The following PTPRA variants were observed in gnomAD, a reference collection of about 807,000 sequenced individuals.
The protein encoded by PTPRA is protein tyrosine phosphatase receptor type A.
In PTPRA, 25 loss-of-function variants were observed where a neutral mutation model predicts 104.8. That is an observed-to-expected ratio of 0.24 (90% CI 0.17 to 0.33). The LOEUF (loss-of-function observed/expected upper bound fraction) is 0.33, where lower values mean the gene tolerates loss of function less well. Ranked by LOEUF, PTPRA falls within the 10% of genes least tolerant of loss-of-function variation. The pLI is 1.00. For missense variants in PTPRA, 765 were observed against 1,015.3 expected (o/e 0.75, Z 3.35); for synonymous variants, 323 against 368.9 (o/e 0.88, Z 1.43).
At chr20:2,900,596 C>T (rs973916820) in intron 1 of PTPRA, among the ~76,000 whole-genome samples, 1 of 152,158 alleles carries the variant, frequency 6.6e-6, no homozygotes, top group Non-Finnish European at 1.5e-5. Flanking sequence ...TGGCTCATGC[C>T]TGTAATCCCA....
At chr20:2,941,871 T>A (rs930909416) in intron 2 of PTPRA, among the ~76,000 whole-genome samples, 4 of 152,206 alleles carry the variant, frequency 2.6e-5, no homozygotes, top group African/African-American at 9.6e-5. Context: ...AGGCCTTGGC[T>A]GAGCTCCCTG....
intron 3 of PTPRA, 70 bp from the exon 4 acceptor site, chr20:2,964,201 CT>C: frequency 7.9e-7 from 1 of 1,261,602 alleles, no homozygotes; most frequent in African/African-American, 1.5e-5. Context: ...CCAGAATACT[CT>C]TCTGGTGACC....
At chr20:2,932,391 G>C (rs186702745) in intron 2 of PTPRA, among the ~76,000 whole-genome samples, 43 of 152,278 alleles carry the variant, frequency 2.8e-4, no homozygotes, top group African/African-American at 9.9e-4. Context: ...GAAAAGAGAA[G>C]CTCATAGAGT....
intron 2 of PTPRA, among the ~76,000 whole-genome samples, chr20:2,929,061 G>A (rs1415696550): frequency 2.6e-5 from 4 of 151,950 alleles, no homozygotes; most frequent in Admixed American, 2.6e-4. Context: ...AAACTCCTGA[G>A]CTCAAGTGAT....
At chr20:3,012,920 TAAC>T (rs746702516) in intron 11 of PTPRA, among the ~76,000 whole-genome samples, 2 of 152,240 alleles carry the variant, frequency 1.3e-5, no homozygotes, top group Non-Finnish European at 2.9e-5. Context: ...GAACATTTTC[TAAC>T]AACTTTATTG....
chr20:2,973,246 T>TTTCATTGATTTTTACTTTCTAC (rs1172675161), intron 5 of PTPRA, among the ~76,000 whole-genome samples: 1 of 152,194 alleles, frequency 6.6e-6, no homozygotes, highest in Non-Finnish European at 1.5e-5. Flanking sequence ...ACGTTTTCTA[T>TTTCATTGATTTTTACTTTCTAC]TTCATTGATT....
At chr20:2,879,993 A>G (rs1190388641) in intron 1 of PTPRA, among the ~76,000 whole-genome samples, 1 of 152,172 alleles carries the variant, frequency 6.6e-6, no homozygotes, top group Non-Finnish European at 1.5e-5. Flanking sequence ...AGGTGATTCT[A>G]ATGTGTAGCC....
chr20:2,982,758 G>T (rs867419051), intron 6 of PTPRA, among the ~76,000 whole-genome samples: 1 of 151,340 alleles, frequency 6.6e-6, no homozygotes, highest in African/African-American at 2.4e-5. Flanking sequence ...GTGCAGTGGC[G>T]CAATCTCGGC....
intron 2 of PTPRA, among the ~76,000 whole-genome samples, chr20:2,945,709 A>T (rs1478470348): frequency 6.6e-6 from 1 of 151,930 alleles, no homozygotes; most frequent in Non-Finnish European, 1.5e-5. Flanking sequence ...CAGGTGGATC[A>T]CTTGAGGTCA....
intron 1 of PTPRA, among the ~76,000 whole-genome samples, chr20:2,879,316 T>A (rs2089921518): frequency 6.6e-6 from 1 of 152,206 alleles, no homozygotes; most frequent in South Asian, 2.1e-4. Context: ...TGCCAAGTCC[T>A]GAATCAGTAG....
At chr20:2,914,428 T>G (rs2059826159) in intron 1 of PTPRA, among the ~76,000 whole-genome samples, 1 of 149,012 alleles carries the variant, frequency 6.7e-6, no homozygotes, top group Non-Finnish European at 1.5e-5. Context: ...CATAGACTCA[T>G]TTTTTTATTT....
intron 10 of PTPRA, among the ~76,000 whole-genome samples, chr20:3,006,100 C>G (rs1421288626): frequency 6.6e-6 from 1 of 152,072 alleles, no homozygotes; most frequent in Non-Finnish European, 1.5e-5. Flanking sequence ...CTCAAACAGT[C>G]CTCCTGCTTT....
chr20:3,028,189 G>T (rs1456574199), intron 20 of PTPRA, among the ~76,000 whole-genome samples: 1 of 151,978 alleles, frequency 6.6e-6, no homozygotes, highest in East Asian at 1.9e-4. Flanking sequence ...CAGGCGGGGG[G>T]GGCACCCTCT....
intron 9 of PTPRA, among the ~76,000 whole-genome samples, chr20:2,996,715 A>C (rs998653633): frequency 6.6e-6 from 1 of 152,238 alleles, no homozygotes; most frequent in African/African-American, 2.4e-5. Flanking sequence ...AGATATGAAA[A>C]GAAGATCAAC....
chr20:2,934,056 C>T (rs1179048540), intron 2 of PTPRA, among the ~76,000 whole-genome samples: 1 of 152,046 alleles, frequency 6.6e-6, no homozygotes, highest in East Asian at 1.9e-4. Flanking sequence ...GAAATAGAGA[C>T]CTAATTTTTG....
chr20:3,022,669 C>A lies in PTPRA; in HGVS notation c.1329-20C>A, dbSNP rs2064937698. 1 of 1,614,008 alleles carries A rather than the reference C, an allele frequency of 6.2e-7. No individual in the cohort carries two copies. The highest frequency in any genetic ancestry group is 8.5e-7 in the Non-Finnish European group (1 of 1,179,952). ...AAGGCAGGCTGGCCATCCCTATAAC[C>A]CCCTGCTCTCTGGCTACAGTGCAGG... On this transcript the variant is annotated intron_variant, in intron 15 of 23. Transcript: ENST00000399903. This position sits in a 1 kb window ranked among gnomAD's most constrained non-coding sequence, Gnocchi z 4.6.
chr20:2,969,978 T>TAATTAATAAATAAATAAATA (rs1555807325), intron 5 of PTPRA, among the ~76,000 whole-genome samples: 3 of 149,990 alleles, frequency 2.0e-5, no homozygotes, highest in African/African-American at 7.4e-5. Context: ...TCTAAATAAA[T>TAATTAATAAATAAATAAATA]AATAAATAAA....
Position 2,988,267 on chromosome 20 carries a change from C to G in PTPRA, c.602-71C>G. 3 of 1,556,718 alleles carry G rather than the reference C, an allele frequency of 1.9e-6. No homozygotes were observed. In the South Asian group the frequency reaches 3.7e-5, roughly 19 times the overall value. Reference sequence around the variant, plus strand: ...ACAGGCTTGGTCCATGAGGTAGAACCCCGTTTAGCCTCCAGAAGAGGGGCT... The same window carrying G: ...ACAGGCTTGGTCCATGAGGTAGAACGCCGTTTAGCCTCCAGAAGAGGGGCT... On this transcript the variant is annotated intron_variant, in intron 8 of 23. Transcript: ENST00000399903.
At chr20:2,936,700 TG>T (rs956912238) in intron 2 of PTPRA, among the ~76,000 whole-genome samples, 13 of 152,184 alleles carry the variant, frequency 8.5e-5, no homozygotes, top group African/African-American at 3.1e-4. Flanking sequence ...CTCGAAGTCT[TG>T]GGCTGAAGTG....
Sources: allele counts gnomAD v4.1 joint callset (sites outside exome capture counted in the v4.1 genomes callset), GRCh38; gene constraint gnomAD v4.1.1; non-coding constraint Gnocchi (gnomAD v3.1); transcripts MANE v1.5; gene names NCBI Gene and HGNC (gene_info 2026-07-23, HGNC 2026-07-21).